The following MLLT3 variants were observed in gnomAD, a reference collection of about 807,000 sequenced individuals.
MLLT3 encodes MLLT3 super elongation complex subunit.
Under a neutral mutation model 53.2 loss-of-function variants are expected in MLLT3, and 4 were observed. The ratio of observed to expected loss-of-function variants is 0.08; its 90% CI spans 0.04 to 0.17. The LOEUF is 0.17. MLLT3 is among the 10% of genes least tolerant of loss of function. The pLI is 1.00. For synonymous variants in MLLT3, 283 were observed against 230.6 expected, an observed-to-expected ratio of 1.23 and a Z score of -2.06; for missense variants, 569 against 684.0, an observed-to-expected ratio of 0.83 and a Z score of 1.87.
intron 2 of MLLT3, among the ~76,000 whole-genome samples, chr9:20,489,334 T>A (rs1478511462): frequency 6.6e-6 from 1 of 152,132 alleles, no homozygotes; most frequent in Non-Finnish European, 1.5e-5. Context: ...CATTAGAAGG[T>A]CTAACACCTT....
chr9:20,452,278 T>C (rs1475849199), intron 3 of MLLT3, among the ~76,000 whole-genome samples: 1 of 152,172 alleles, frequency 6.6e-6, no homozygotes, highest in African/African-American at 2.4e-5. Flanking sequence ...GGTAATTAGA[T>C]TATGGGGGTG....
intron 2 of MLLT3, among the ~76,000 whole-genome samples, chr9:20,588,908 T>C (rs1820051462): frequency 1.3e-5 from 2 of 151,596 alleles, no homozygotes; most frequent in South Asian, 4.2e-4. Flanking sequence ...CCAGTTAGAA[T>C]GGCAATCATT....
At chr9:20,460,906 G>C (rs1824090337) in intron 2 of MLLT3, among the ~76,000 whole-genome samples, 3 of 152,282 alleles carry the variant, frequency 2.0e-5, no homozygotes, top group Non-Finnish European at 4.4e-5. Context: ...TGAGTACTGT[G>C]GAACTGGTCC....
At chr9:20,419,117 T>C (rs1219204803) in intron 4 of MLLT3, among the ~76,000 whole-genome samples, 1 of 152,020 alleles carries the variant, frequency 6.6e-6, no homozygotes, top group Non-Finnish European at 1.5e-5. Context: ...AGGAGAAAGA[T>C]GAAATATTGA....
At chr9:20,608,970 G>C (rs1250125653) in intron 2 of MLLT3, among the ~76,000 whole-genome samples, 1 of 151,892 alleles carries the variant, frequency 6.6e-6, no homozygotes, top group Non-Finnish European at 1.5e-5. Context: ...AAAATGTGGG[G>C]TAAAGATGAA....
chr9:20,557,159 A>C (rs939131999), intron 2 of MLLT3, among the ~76,000 whole-genome samples: 1 of 152,054 alleles, frequency 6.6e-6, no homozygotes, highest in Admixed American at 6.6e-5. Context: ...ACCACCAAGA[A>C]AACAGACCCA....
intron 2 of MLLT3, among the ~76,000 whole-genome samples, chr9:20,583,587 G>T (rs1326025511): frequency 6.6e-6 from 1 of 152,170 alleles, no homozygotes; most frequent in Non-Finnish European, 1.5e-5. Flanking sequence ...CTAGGCAGAG[G>T]TTCCCAAACC....
At chr9:20,428,972 T>G (rs947733137) in intron 4 of MLLT3, among the ~76,000 whole-genome samples, 1 of 152,118 alleles carries the variant, frequency 6.6e-6, no homozygotes, top group Non-Finnish European at 1.5e-5. Context: ...AGATAAGTAG[T>G]TTGAAATCTT....
At chr9:20,548,822 GA>G (rs1200428097) in intron 2 of MLLT3, among the ~76,000 whole-genome samples, 1 of 142,312 alleles carries the variant, frequency 7.0e-6, no homozygotes, top group Non-Finnish European at 1.5e-5. Flanking sequence ...TTTGCTCAAA[GA>G]TTTTTTTTTT....
intron 2 of MLLT3, among the ~76,000 whole-genome samples, chr9:20,560,921 T>A (rs75951874): frequency 1.2e-3 from 184 of 152,310 alleles, no homozygotes; most frequent in African/African-American, 4.1e-3. Flanking sequence ...ATTGGTAACA[T>A]TTCAAATCCT....
chr9:20,532,135 T>C (rs1015999687), intron 2 of MLLT3, among the ~76,000 whole-genome samples: 10 of 152,238 alleles, frequency 6.6e-5, no homozygotes, highest in African/African-American at 2.2e-4. Flanking sequence ...CATTAAACCT[T>C]ATCAGCCATC....
intron 4 of MLLT3, among the ~76,000 whole-genome samples, chr9:20,441,507 G>A (rs2118835316): frequency 6.6e-6 from 1 of 152,054 alleles, no homozygotes; most frequent in Non-Finnish European, 1.5e-5. Flanking sequence ...GGGGGGAGGT[G>A]GCCGACAAGG....
rs1820455442 is a variant in MLLT3 at position 20,602,659 on chromosome 9, T to C, written c.193+17995A>G. 4.6e-5 allele frequency among the ~76,000 whole-genome samples: 7 copies of C among 152,064 alleles called. No individual in the cohort carries two copies. In the South Asian group the frequency reaches 1.5e-3, roughly 32 times the overall value. On this transcript the variant is annotated intron_variant, in intron 2 of 10. Coordinates refer to ENST00000380338, the MANE Select transcript of MLLT3 (RefSeq NM_004529.4). ...CAAGGAAGTAAATGTTAAGTCCTCATAGAGACACTTAGAATTTGGCATCTT... is the reference window on the plus strand; with the variant it reads ...CAAGGAAGTAAATGTTAAGTCCTCACAGAGACACTTAGAATTTGGCATCTT...
intron 2 of MLLT3, among the ~76,000 whole-genome samples, chr9:20,581,483 C>T (rs1230510398): frequency 2.6e-5 from 4 of 152,046 alleles, no homozygotes; most frequent in Admixed American, 6.6e-5. Context: ...TAAAGGGCAA[C>T]GTAAATAAGT....
In MLLT3 at chr9:20,446,352, T is replaced by C. The variant is rs1032230763; in HGVS notation, c.420+1771A>G. ...AGTTAGAAGTCAAGAAGAATCATTC[T>C]GAGATAAAGGCTGAGTAGAGCACAA... On this transcript the variant is annotated intron_variant, in intron 4 of 10. Coordinates refer to ENST00000380338, the MANE Select transcript of MLLT3 (RefSeq NM_004529.4). Among the ~76,000 whole-genome samples the C allele has an allele frequency of 5.1e-4, 77 of 152,220 alleles. 1 individual carries two copies. The highest frequency in any genetic ancestry group is 1.5e-5 in the Non-Finnish European group (1 of 68,040).
At chr9:20,517,890 C>T (rs181575874) in intron 2 of MLLT3, among the ~76,000 whole-genome samples, 29 of 152,010 alleles carry the variant, frequency 1.9e-4, no homozygotes, top group African/African-American at 6.5e-4. Context: ...AATAGAGAAG[C>T]AGATGGCAAA....
At chr9:20,536,667 T>C (rs746759363) in intron 2 of MLLT3, among the ~76,000 whole-genome samples, 9 of 152,316 alleles carry the variant, frequency 5.9e-5, no homozygotes, top group Non-Finnish European at 1.2e-4. Flanking sequence ...CAATTTTAAA[T>C]TGGATTACTG....
chr9:20,366,208 C>G (rs1821446751), intron 5 of MLLT3, among the ~76,000 whole-genome samples: 1 of 152,132 alleles, frequency 6.6e-6, no homozygotes, highest in Non-Finnish European at 1.5e-5. Context: ...TAGCCCCTGA[C>G]CCCTGAAAGG....
chr9:20,481,433 T>C (rs1363204542), intron 2 of MLLT3, among the ~76,000 whole-genome samples: 4 of 152,160 alleles, frequency 2.6e-5, no homozygotes, highest in Non-Finnish European at 4.4e-5. Context: ...TTATCTGATA[T>C]GCAGTTGGCG....
Sources: allele counts gnomAD v4.1 joint callset (sites outside exome capture counted in the v4.1 genomes callset), GRCh38; gene constraint gnomAD v4.1.1; transcripts MANE v1.5; gene names NCBI Gene and HGNC (gene_info 2026-07-23, HGNC 2026-07-21).